Variants in MGLL observed in about 807,000 individuals in gnomAD.
MGLL encodes lysophospholipase homolog.
A neutral mutation model predicts 29.1 loss-of-function variants in MGLL; 7 were observed. The observed-to-expected ratio is 0.24, with a 90% confidence interval of 0.14 to 0.45. The LOEUF (loss-of-function observed/expected upper bound fraction) is 0.45. Among genes scored for constraint, MGLL ranks in the 20% least tolerant of loss-of-function variants. The pLI, the probability that MGLL is intolerant of heterozygous loss-of-function variation, is 0.99. For synonymous variants in MGLL, 148 were observed against 168.3 expected (o/e 0.88, Z 0.93); for missense variants, 356 against 413.6 (o/e 0.86, Z 1.21).
At chr3:127,771,681 C>A (rs937436510) in intron 3 of MGLL, among the ~76,000 whole-genome samples, 1 of 152,180 alleles carries the variant, frequency 6.6e-6, no homozygotes, top group Admixed American at 6.5e-5. Flanking sequence ...TAAACGTTTT[C>A]ATCTGCCTTA....
rs554363623 is a variant in MGLL, at chr3:127,777,568, CT to C, written c.262+4220del. 2.4e-3 allele frequency among the ~76,000 whole-genome samples: 365 copies of C among 152,370 alleles called. 1 individual carries two copies. Among genetic ancestry groups the C allele is most frequent in the African/African-American group, 8.5e-3 (355 of 41,598 alleles). On this transcript the variant is annotated intron_variant, in intron 3 of 7. Coordinates refer to ENST00000265052, the MANE Select transcript of MGLL (RefSeq NM_007283.7). The stretch of plus-strand genomic sequence containing the variant: ...CTTTTTCTCTGTCACTTCCTGCTTC[CT>C]CTACCTGTTAGAACATGAGGCTGGA...
At chr3:127,701,660 G>C (rs1424010540) in intron 6 of MGLL, among the ~76,000 whole-genome samples, 1 of 152,022 alleles carries the variant, frequency 6.6e-6, no homozygotes, top group Non-Finnish European at 1.5e-5. Flanking sequence ...CCCTTCCTTG[G>C]CTGCCTGTGG....
intron 3 of MGLL, among the ~76,000 whole-genome samples, chr3:127,730,183 G>A (rs1434398789): frequency 6.6e-6 from 1 of 152,164 alleles, no homozygotes; most frequent in Non-Finnish European, 1.5e-5. Context: ...CCCGGTAGGG[G>A]TGGAGACTGT....
chr3:127,734,387 C>T (rs937470437), intron 3 of MGLL, among the ~76,000 whole-genome samples: 24 of 152,326 alleles, frequency 1.6e-4, no homozygotes, highest in African/African-American at 4.8e-4. Flanking sequence ...ATGGAAGCAT[C>T]GCCCACTGCC....
chr3:127,767,616 A>G (rs2076881109), intron 3 of MGLL, among the ~76,000 whole-genome samples: 1 of 152,232 alleles, frequency 6.6e-6, no homozygotes, highest in Non-Finnish European at 1.5e-5. Flanking sequence ...AGACTATCAG[A>G]GCCCTGGGGC....
chr3:127,698,019 C>T lies in MGLL; in HGVS notation c.601-2829G>A, dbSNP rs1226518257. On this transcript the variant is annotated intron_variant, in intron 6 of 7. Transcript: ENST00000265052. ...CCCCAAGTGTCCTGGGCACAGCAGG[C>T]GCTCGGGGACTCTGCTTCTGAGTTT... Among the ~76,000 whole-genome samples the T allele has an allele frequency of 3.3e-5, 5 of 152,350 alleles. No individual in the cohort carries two copies. The East Asian group carries it at 7.7e-4, about 23-fold the overall frequency.
At chr3:127,731,947 T>C (rs909709266) in intron 3 of MGLL, among the ~76,000 whole-genome samples, 3 of 152,200 alleles carry the variant, frequency 2.0e-5, no homozygotes, top group African/African-American at 7.2e-5. Flanking sequence ...AATAAATTCG[T>C]GATAATCCTT....
At chr3:127,751,985 A>G (rs1400397455) in intron 3 of MGLL, among the ~76,000 whole-genome samples, 1 of 152,230 alleles carries the variant, frequency 6.6e-6, no homozygotes, top group African/African-American at 2.4e-5. Context: ...TTGTTATTTA[A>G]AGTAACAAAA....
intron 2 of MGLL, among the ~76,000 whole-genome samples, chr3:127,814,103 G>A (rs2077711330): frequency 6.6e-6 from 1 of 151,946 alleles, no homozygotes; most frequent in African/African-American, 2.4e-5. Flanking sequence ...CTCCCTGGAA[G>A]GTGAGGCATA....
intron 3 of MGLL, among the ~76,000 whole-genome samples, chr3:127,730,686 CT>C (rs1247867809): frequency 6.6e-6 from 1 of 152,192 alleles, no homozygotes; most frequent in Non-Finnish European, 1.5e-5. Flanking sequence ...CTTCTTGCCC[CT>C]GTCACATGTG....
intron 5 of MGLL, among the ~76,000 whole-genome samples, chr3:127,719,877 C>T (rs575959703): frequency 3.3e-5 from 5 of 152,262 alleles, no homozygotes; most frequent in South Asian, 2.1e-4. Context: ...CCATCTCTCT[C>T]GCAAACTAAG....
chr3:127,773,929 C>A (rs2076990531), intron 3 of MGLL, among the ~76,000 whole-genome samples: 1 of 152,220 alleles, frequency 6.6e-6, no homozygotes, highest in South Asian at 2.1e-4. Context: ...GCAAGTCCCT[C>A]CCAGCCTGGC....
intron 2 of MGLL, among the ~76,000 whole-genome samples, chr3:127,818,119 C>A (rs2077790452): frequency 6.6e-6 from 1 of 152,258 alleles, no homozygotes; most frequent in South Asian, 2.1e-4. Flanking sequence ...TGCCACCACA[C>A]CCCGGTAATT....
In MGLL at chr3:127,752,150, T is replaced by G. The variant is rs923974333; in HGVS notation, c.263-29584A>C. 5.6e-3 allele frequency among the ~76,000 whole-genome samples: 850 copies of G among 151,834 alleles called. 5 individuals are homozygous for G. The highest frequency in any genetic ancestry group is 0.019 in the African/African-American group (805 of 41,430). On this transcript the variant is annotated intron_variant, in intron 3 of 7. Transcript: ENST00000265052. ...TTCACTCTTCTTGCCTAGGCTGGGGTGCAATGGCCAGTGTCGGCTCATTGC... is the reference window on the plus strand; with the variant it reads ...TTCACTCTTCTTGCCTAGGCTGGGGGGCAATGGCCAGTGTCGGCTCATTGC...
At chr3:127,782,628 T>G (rs1033477074) in intron 2 of MGLL, among the ~76,000 whole-genome samples, 1 of 152,092 alleles carries the variant, frequency 6.6e-6, no homozygotes, top group Admixed American at 6.6e-5. Context: ...TTCCAAACTA[T>G]CCAATTTTCA....
intron 3 of MGLL, among the ~76,000 whole-genome samples, chr3:127,751,095 C>T (rs529949891): frequency 1.3e-5 from 2 of 152,332 alleles, no homozygotes; most frequent in Admixed American, 1.3e-4. Flanking sequence ...ACCACTGAGA[C>T]ATCCCTGGGA....
chr3:127,699,386 T>C (rs1409045772), intron 6 of MGLL, among the ~76,000 whole-genome samples: 2 of 152,172 alleles, frequency 1.3e-5, no homozygotes, highest in African/African-American at 4.8e-5. Flanking sequence ...TGAAATGCAA[T>C]ATCAGAGTTT....
intron 6 of MGLL, among the ~76,000 whole-genome samples, chr3:127,696,298 A>G (rs2075360538): frequency 6.9e-6 from 1 of 144,324 alleles, no homozygotes; most frequent in African/African-American, 2.7e-5. Context: ...CTCAGGCTCC[A>G]CTGCCCTGAT....
At chr3:127,764,464 C>T (rs893421402) in intron 3 of MGLL, among the ~76,000 whole-genome samples, 2 of 152,096 alleles carry the variant, frequency 1.3e-5, no homozygotes, top group African/African-American at 2.4e-5. Context: ...GGACGGAAAG[C>T]CCCCAGGAGA....
Sources: allele counts gnomAD v4.1 joint callset (sites outside exome capture counted in the v4.1 genomes callset), GRCh38; gene constraint gnomAD v4.1.1; transcripts MANE v1.5; gene names NCBI Gene and HGNC (gene_info 2026-07-23, HGNC 2026-07-21).